FLT4: variants seen among roughly 807,000 people sequenced by gnomAD.
FLT4 encodes fms related receptor tyrosine kinase 4.
FLT4 carries 30 observed loss-of-function variants against 163.2 expected under a neutral mutation model. The observed-to-expected ratio is 0.18, with a 90% CI of 0.14 to 0.25. The LOEUF (loss-of-function observed/expected upper bound fraction) is 0.25, where lower values mean the gene tolerates loss of function less well. Ranked by LOEUF, FLT4 falls within the 10% of genes least tolerant of loss-of-function variation. The probability of loss-of-function intolerance (pLI) is 1.00; values close to 1 mark genes in which losing one functional copy is unlikely to be tolerated. For synonymous variants in FLT4, 884 were observed against 789.5 expected, an observed-to-expected ratio of 1.12 and a Z score of -2.01; for missense variants, 1,510 against 1,863.8, an observed-to-expected ratio of 0.81 and a Z score of 3.50.
intron 14 of FLT4, 37 bp from the exon 15 acceptor site, chr5:180,621,044 G>A (rs906951977): frequency 6.8e-6 from 11 of 1,611,888 alleles, no homozygotes; most frequent in Non-Finnish European, 9.3e-6. Context: ...GTCCACCTGG[G>A]TTTGGGATCG....
At chr5:180,646,937 G>A (rs1014540878) in intron 1 of FLT4, among the ~76,000 whole-genome samples, 1 of 152,190 alleles carries the variant, frequency 6.6e-6, no homozygotes, top group Non-Finnish European at 1.5e-5. Flanking sequence ...CCTGGTGGAT[G>A]AGGGAACAGC....
intron 29 of FLT4, among the ~76,000 whole-genome samples, chr5:180,606,890 T>C (rs1222879877): frequency 1.4e-5 from 1 of 72,000 alleles, no homozygotes; most frequent in African/African-American, 4.6e-5. Flanking sequence ...ACCCCGTCTC[T>C]ACTAAAAAAA....
At chr5:180,648,814 C>T (rs1037254529) in intron 1 of FLT4, among the ~76,000 whole-genome samples, 3 of 152,226 alleles carry the variant, frequency 2.0e-5, no homozygotes, top group Non-Finnish European at 4.4e-5. Context: ...CTTCGAGGCC[C>T]CTGTCCCCTC....
chr5:180,619,609 C>G (rs771790217), intron 18 of FLT4, 56 bp downstream of exon 18: 2 of 1,404,552 alleles, frequency 1.4e-6, no homozygotes, highest in East Asian at 2.3e-5. Flanking sequence ...ACCGGCCCAC[C>G]CCGAGCTGCT....
rs1763351575 is a variant in FLT4, at chr5:180,623,624, C to A, written c.1548+311G>T. ...CCTCTGTGCAGACCTGGTCAGCCTCCAGCCCTGTCCCCTCCTGGTCCTGGG... is the reference window on the plus strand; with the variant it reads ...CCTCTGTGCAGACCTGGTCAGCCTCAAGCCCTGTCCCCTCCTGGTCCTGGG... On this transcript the variant is annotated intron_variant, in intron 11 of 29. Transcript: ENST00000261937. This position sits in a 1 kb window ranked among gnomAD's most constrained non-coding sequence, Gnocchi z 5.8. Among the ~76,000 whole-genome samples the A allele has an allele frequency of 6.6e-6, 1 of 152,208 alleles. No individual in the cohort carries two copies. Among genetic ancestry groups the A allele is most frequent in the Admixed American group, 6.5e-5 (1 of 15,288 alleles).
rs142322370 is a variant in FLT4, at chr5:180,603,329, G to T, written c.3955C>A (p.Arg1319=). 1.2e-6 allele frequency: 2 copies of T among 1,613,902 alleles called. No individual in the cohort carries two copies. The highest frequency in any genetic ancestry group is 1.7e-6 in the Non-Finnish European group (2 of 1,179,914). ...TRAHPDSQGR[R]RRPERGARGG... ...CGGGCCCCCCGCTCAGGCCGCCGCCGCCTCCCTTGGGAGTCAGGGTGTGCC... is the reference window on the plus strand; with the variant it reads ...CGGGCCCCCCGCTCAGGCCGCCGCCTCCTCCCTTGGGAGTCAGGGTGTGCC... Residue 1319 remains arginine (R), a synonymous_variant, in exon 30 of 30, where the codon CGG becomes AGG. Transcript: ENST00000261937.
At chr5:180,650,141 TC>T (rs1765668551), upstream of FLT4, among the ~76,000 whole-genome samples, 4 of 126,866 alleles carry the variant, frequency 3.2e-5, no homozygotes, top group South Asian at 1.0e-3. Context: ...TGAGCCGAGA[TC>T]GCGCCACTGC....
rs568891313 is a variant in FLT4, at chr5:180,642,148, A to G, written c.58+7340T>C. 3.0e-3 allele frequency among the ~76,000 whole-genome samples: 452 copies of G among 151,098 alleles called. 1 individual carries two copies. Among genetic ancestry groups the G allele is most frequent in the Middle Eastern group, 3.4e-3 (1 of 292 alleles). ...CGTGAACCTGAGAGGCAGAGCTTGC[A>G]GTGGGCCGAGATCGCGCCACTGCAC... On this transcript the variant is annotated intron_variant, in intron 1 of 29. Transcript: ENST00000261937.
At chr5:180,611,614 C>A (rs368796306) in intron 26 of FLT4, 135 bp from the exon 27 acceptor site, 2 of 952,734 alleles carry the variant, frequency 2.1e-6, no homozygotes, top group Non-Finnish European at 1.6e-6. Flanking sequence ...ACTCAGCTCT[C>A]GCCCCCGCCC....
chr5:180,638,361 C>T (rs1296353482), intron 1 of FLT4, among the ~76,000 whole-genome samples: 1 of 152,200 alleles, frequency 6.6e-6, no homozygotes, highest in Non-Finnish European at 1.5e-5. Flanking sequence ...CCCAGCCCAT[C>T]CGTTGGCCAG....
chr5:180,649,422 A>T, intron 1 of FLT4, 66 bp downstream of exon 1: 2 of 1,229,004 alleles, frequency 1.6e-6, no homozygotes, highest in Non-Finnish European at 2.2e-6. Flanking sequence ...CGCCCGCCCC[A>T]GGTGCGCGGT....
intron 24 of FLT4, chr5:180,613,628 C>T (rs1347335082): frequency 1.3e-5 from 4 of 308,258 alleles, no homozygotes; most frequent in Admixed American, 4.1e-5. Context: ...CTTTAGTTTC[C>T]GCAGTAGCGT....
chr5:180,612,973 G>T, intron 25 of FLT4, 38 bp downstream of exon 25: 1 of 1,522,200 alleles, frequency 6.6e-7, no homozygotes, highest in Non-Finnish European at 9.1e-7. Flanking sequence ...CCCGACGCTT[G>T]CTGTCCCCAA....
In FLT4 at chr5:180,608,992, C is replaced by T. The variant is rs1355134730; in HGVS notation, c.3869G>A (p.Arg1290Lys). The change falls in exon 29 of 30, where the codon AGG becomes AAG. Residue 1290 changes from arginine to lysine, a missense_variant. Around this residue, in one of 5 missense-constraint regions of FLT4, gnomAD observed 295 missense variants for 311.0 expected, o/e 0.95. Coordinates refer to ENST00000261937, the MANE Select transcript of FLT4 (RefSeq NM_182925.5). ...CCTGAAGCCGCTTTCTTGTCTATGC[C>T]TGCTCTCTATCTGCTCAAACTCCTC... ...ASEEFEQIESRHRQESGFSCK... is the reference protein window; with the variant it reads ...ASEEFEQIESKHRQESGFSCK... The T allele has an allele frequency of 1.9e-6, 3 of 1,614,066 alleles. No individual in the cohort carries two copies. Among genetic ancestry groups the T allele is most frequent in the African/African-American group, 1.3e-5 (1 of 74,942 alleles).
intron 29 of FLT4, among the ~76,000 whole-genome samples, chr5:180,605,708 T>C (rs1236880386): frequency 6.6e-6 from 1 of 152,230 alleles, no homozygotes; most frequent in Non-Finnish European, 1.5e-5. Flanking sequence ...ACGTCCCGTA[T>C]CATCCTGCCA....
Position 180,620,040 on chromosome 5 carries a change from G to A in FLT4, c.2542+133C>T, listed in dbSNP as rs572488580. ...CCTGGCTGAGGTTCTAGGTACCCAC[G>A]CCCACAGGGACAGGTCAGGCCAGGC... On this transcript the variant is annotated intron_variant, in intron 17 of 29. Coordinates refer to ENST00000261937, the MANE Select transcript of FLT4 (RefSeq NM_182925.5). This position sits in a 1 kb window ranked among gnomAD's most constrained non-coding sequence, Gnocchi z 4.4. The A allele has an allele frequency of 5.4e-4, 628 of 1,159,696 alleles. No individual in the cohort carries two copies. Among genetic ancestry groups the A allele is most frequent in the Non-Finnish European group, 6.7e-4 (551 of 817,058 alleles). The allele number at this position is 1,159,696 out of a possible 1,614,324, so 71.8% of individuals were successfully genotyped here.
Position 180,631,771 on chromosome 5 carries a change from C to T in FLT4, c.66G>A (p.Val22=). The change falls in exon 2 of 30, where the codon GTG becomes GTA. Residue 22 remains valine (V), a synonymous_variant. Transcript: ENST00000261937. Reference sequence around the variant, plus strand: ...TCGGGGGGGTCATGGAGTAGCCACTCACCAGGCCTGGGGTGGGAGACAGGG... The same window carrying T: ...TCGGGGGGGTCATGGAGTAGCCACTTACCAGGCCTGGGGTGGGAGACAGGG... ...WLCLGLLDGL[V]SGYSMTPPTL... 2.5e-6 allele frequency: 4 copies of T among 1,609,094 alleles called. No homozygotes were observed. Among genetic ancestry groups the T allele is most frequent in the Non-Finnish European group, 1.7e-6 (2 of 1,179,308 alleles).
chr5:180,616,554 A>T (rs1039625455), intron 22 of FLT4, 65 bp from the exon 23 acceptor site: 33 of 1,592,720 alleles, frequency 2.1e-5, no homozygotes, highest in Middle Eastern at 3.3e-4. Flanking sequence ...CCCACACCCG[A>T]AACTCCAGGG....
intron 1 of FLT4, among the ~76,000 whole-genome samples, chr5:180,647,324 C>A (rs376888701): frequency 6.6e-6 from 1 of 152,182 alleles, no homozygotes; most frequent in Non-Finnish European, 1.5e-5. Flanking sequence ...CACACAACCT[C>A]GGGGCTTGCC....
Sources: gnomAD v4.1 joint callset for allele counts (sites outside exome capture counted in the v4.1 genomes callset) on GRCh38, gnomAD v4.1.1 for gene constraint, gnomAD v4.1.1 regional missense constraint, Gnocchi (gnomAD v3.1) non-coding constraint, MANE v1.5 for transcripts, NCBI Gene and HGNC (gene_info 2026-07-23, HGNC 2026-07-21) for gene names.